NELL1: variants seen among roughly 807,000 people sequenced by gnomAD.
The protein encoded by NELL1 is protein kinase C-binding protein NELL1.
NELL1 carries 76 observed loss-of-function variants against 107.4 expected under a neutral mutation model. That is an observed-to-expected ratio of 0.71 (90% CI 0.59 to 0.86). The LOEUF (loss-of-function observed/expected upper bound fraction) is 0.86. NELL1 is among the 40% of genes least tolerant of loss of function. The pLI is 0.00. For synonymous variants in NELL1, 353 were observed against 341.2 expected, an observed-to-expected ratio of 1.03 and a Z score of -0.38; for missense variants, 1,024 against 1,005.5, an observed-to-expected ratio of 1.02 and a Z score of -0.25.
At chr11:21,466,492 G>A (rs1854034368) in intron 15 of NELL1, among the ~76,000 whole-genome samples, 1 of 152,156 alleles carries the variant, frequency 6.6e-6, no homozygotes, top group Non-Finnish European at 1.5e-5. Context: ...GCAGATGGTA[G>A]GAAGTGCAAA....
chr11:20,956,553 G>C (rs1374724811), intron 11 of NELL1, among the ~76,000 whole-genome samples: 2 of 151,502 alleles, frequency 1.3e-5, no homozygotes, highest in Non-Finnish European at 2.9e-5. Context: ...AGCTGAGGCA[G>C]GAGAATGGCA....
chr11:21,087,753 T>G (rs1456979730), intron 12 of NELL1, among the ~76,000 whole-genome samples: 2 of 152,080 alleles, frequency 1.3e-5, no homozygotes, highest in Admixed American at 6.6e-5. Context: ...CTCCTGACGG[T>G]TTTTTAAAAA....
At chr11:20,942,059 A>G (rs1850866375) in intron 10 of NELL1, among the ~76,000 whole-genome samples, 1 of 152,164 alleles carries the variant, frequency 6.6e-6, no homozygotes, top group Non-Finnish European at 1.5e-5. Context: ...CACCTCTTGG[A>G]AAAAAGACAG....
chr11:20,752,420 A>C (rs544396605), intron 2 of NELL1, among the ~76,000 whole-genome samples: 1 of 152,114 alleles, frequency 6.6e-6, no homozygotes, highest in African/African-American at 2.4e-5. Context: ...GTGGTGGTGC[A>C]TGCCTGTAAT....
chr11:21,381,924 T>TTTTTTTTTTTTTTTTTTTTTTTTC (rs1851622781), intron 15 of NELL1, among the ~76,000 whole-genome samples: 1 of 101,928 alleles, frequency 9.8e-6, no homozygotes, highest in Non-Finnish European at 2.2e-5. Context: ...TTTTTTTTTT[T>TTTTTTTTTTTTTTTTTTTTTTTTC]TTTTTTTTTT....
intron 12 of NELL1, among the ~76,000 whole-genome samples, chr11:20,991,277 G>C (rs1851965851): frequency 6.6e-6 from 1 of 152,204 alleles, no homozygotes; most frequent in Admixed American, 6.5e-5. Context: ...TGTTCCAGCA[G>C]ATCAGGGACT....
At chr11:20,695,320 C>T (rs1854586019) in intron 2 of NELL1, among the ~76,000 whole-genome samples, 1 of 152,054 alleles carries the variant, frequency 6.6e-6, no homozygotes, top group Non-Finnish European at 1.5e-5. Context: ...ACTAGCACTT[C>T]CAGTACTGTG....
chr11:21,568,712 A>C (rs1419213807), intron 17 of NELL1, among the ~76,000 whole-genome samples: 1 of 151,710 alleles, frequency 6.6e-6, no homozygotes, highest in Non-Finnish European at 1.5e-5. Flanking sequence ...AGGATTATCA[A>C]TATCACTGTC....
chr11:21,406,941 GT>G (rs1852251385), intron 15 of NELL1, among the ~76,000 whole-genome samples: 1 of 151,990 alleles, frequency 6.6e-6, no homozygotes, highest in African/African-American at 2.4e-5. Flanking sequence ...CCAACTGTAT[GT>G]TTATATTCAT....
chr11:21,356,816 A>C (rs2133729826), intron 14 of NELL1, among the ~76,000 whole-genome samples: 1 of 152,168 alleles, frequency 6.6e-6, no homozygotes, highest in African/African-American at 2.4e-5. Flanking sequence ...TCCCTCCTTC[A>C]TCCTGCATCC....
intron 2 of NELL1, among the ~76,000 whole-genome samples, chr11:20,727,908 T>C (rs1855545098): frequency 6.6e-6 from 1 of 152,212 alleles, no homozygotes; most frequent in Non-Finnish European, 1.5e-5. Context: ...TGCACTAATT[T>C]ACATTCCCAC....
At chr11:21,335,288 G>A (rs1445813562) in intron 14 of NELL1, among the ~76,000 whole-genome samples, 1 of 151,934 alleles carries the variant, frequency 6.6e-6, no homozygotes, top group African/African-American at 2.4e-5. Flanking sequence ...GCTAGAAAAG[G>A]ACAAATATCC....
At chr11:21,048,043 G>A (rs776505355) in intron 12 of NELL1, among the ~76,000 whole-genome samples, 1 of 152,102 alleles carries the variant, frequency 6.6e-6, no homozygotes, top group African/African-American at 2.4e-5. Context: ...GGCATTTCTT[G>A]TACAGTTGGG....
Position 20,713,644 on chromosome 11 carries a change from C to T in NELL1, c.184+35584C>T, listed in dbSNP as rs528653645. On this transcript the variant is annotated intron_variant, in intron 2 of 19. Transcript: ENST00000357134. The stretch of plus-strand genomic sequence containing the variant: ...GCAGCTCCTGTGCTCATATCTGCAG[C>T]AGTTCCTGGCCACCCCCCAGATTTT... Among the ~76,000 whole-genome samples, 20 of 152,276 alleles carry T rather than the reference C, an allele frequency of 1.3e-4. No individual in the cohort carries two copies. The South Asian group carries it at 2.1e-3, about 16-fold the overall frequency.
chr11:21,401,560 T>C (rs1852098094), intron 15 of NELL1, among the ~76,000 whole-genome samples: 1 of 150,506 alleles, frequency 6.6e-6, no homozygotes, highest in Admixed American at 6.6e-5. Flanking sequence ...GACACAAAAA[T>C]GAGGCAGGGT....
intron 12 of NELL1, among the ~76,000 whole-genome samples, chr11:21,011,458 G>A (rs1422037935): frequency 6.6e-6 from 1 of 152,138 alleles, no homozygotes; most frequent in Admixed American, 6.5e-5. Context: ...AACAAATACT[G>A]TACCTGAGTT....
chr11:20,670,163 C>T (rs1853862875), intron 1 of NELL1, among the ~76,000 whole-genome samples: 2 of 152,074 alleles, frequency 1.3e-5, no homozygotes, highest in South Asian at 4.1e-4. Context: ...CTCGCCGACC[C>T]CCGCCAGGCT....
chr11:21,128,075 G>A (rs187977566), intron 13 of NELL1, among the ~76,000 whole-genome samples: 2 of 152,170 alleles, frequency 1.3e-5, no homozygotes, highest in Admixed American at 6.5e-5. Context: ...GCATGCTTAC[G>A]GACTCCTGGA....
At chr11:21,382,875 A>C (rs781367837) in intron 15 of NELL1, among the ~76,000 whole-genome samples, 2 of 151,922 alleles carry the variant, frequency 1.3e-5, no homozygotes, top group Non-Finnish European at 2.9e-5. Flanking sequence ...TCATATCCTC[A>C]TTTTTAATCC....
Sources: gnomAD v4.1 joint callset for allele counts (sites outside exome capture counted in the v4.1 genomes callset) on GRCh38, gnomAD v4.1.1 for gene constraint, MANE v1.5 for transcripts, NCBI Gene and HGNC (gene_info 2026-07-23, HGNC 2026-07-21) for gene names.